The following BANK1 variants were observed in gnomAD, a reference collection of about 807,000 sequenced individuals.
BANK1 encodes the protein B-cell scaffold protein with ankyrin repeats.
In BANK1, 95 loss-of-function variants were observed where a neutral mutation model predicts 94.5. That is an observed-to-expected ratio of 1.00 (90% CI 0.85 to 1.19). The LOEUF (loss-of-function observed/expected upper bound fraction) is 1.19, where lower values mean the gene tolerates loss of function less well. BANK1 is among the 50% of genes most tolerant of loss of function. BANK1 has a pLI of 0.00. For missense variants in BANK1, 987 were observed against 932.2 expected (o/e 1.06, Z -0.77); for synonymous variants, 334 against 308.4 (o/e 1.08, Z -0.87).
intron 3 of BANK1, among the ~76,000 whole-genome samples, chr4:101,860,571 C>T (rs752215177): frequency 1.3e-5 from 2 of 152,108 alleles, no homozygotes; most frequent in Admixed American, 6.5e-5. Context: ...GCTGGGATTA[C>T]AGGTGTGCAC....
At position 101,918,051 on chromosome 4, in the gene BANK1, G is replaced by T. The variant is rs1354703233; in HGVS notation, c.1068G>T (p.Lys356Asn). 1 of 1,611,490 alleles carries T rather than the reference G, an allele frequency of 6.2e-7. No homozygotes were observed. The highest frequency in any genetic ancestry group is 8.5e-7 in the Non-Finnish European group (1 of 1,178,434). ...ACTGTGCAGCAAAATTTGGCTTAAA[G>T]AACCTGGCTATTCATTTGCTTCAAT... ...LLHCAAKFGL[K>N]NLAIHLLQCS... Residue 356 changes from lysine (K) to asparagine (N), a missense_variant, in exon 7 of 17, where the codon AAG becomes AAT. By Grantham distance (94) the Lys-to-Asn change is moderately conservative (BLOSUM62 0). Coordinates refer to ENST00000322953, the MANE Select transcript of BANK1 (RefSeq NM_017935.5).
chr4:101,928,176 G>A (rs1723226690), intron 7 of BANK1, among the ~76,000 whole-genome samples: 1 of 151,668 alleles, frequency 6.6e-6, no homozygotes, highest in South Asian at 2.1e-4. Context: ...ATTTTGTAAT[G>A]AAGCATGAGC....
intron 7 of BANK1, among the ~76,000 whole-genome samples, chr4:101,967,976 A>T (rs570274973): frequency 6.6e-6 from 1 of 152,168 alleles, no homozygotes; most frequent in African/African-American, 2.4e-5. Context: ...ACTCTGACCA[A>T]GTCTTGGCAT....
At chr4:101,795,867 T>G (rs890337556) in intron 1 of BANK1, among the ~76,000 whole-genome samples, 13 of 152,184 alleles carry the variant, frequency 8.5e-5, no homozygotes, top group Middle Eastern at 3.2e-3. Context: ...CCAGAAACAG[T>G]CACCTGGGCC....
At chr4:101,937,032 A>G (rs1723589816) in intron 7 of BANK1, among the ~76,000 whole-genome samples, 1 of 151,702 alleles carries the variant, frequency 6.6e-6, no homozygotes, top group South Asian at 2.1e-4. Context: ...CACAATAGCC[A>G]ATATTTGGAA....
At chr4:102,043,963 C>A in intron 11 of BANK1, 56 bp downstream of exon 11, 1 of 1,067,084 alleles carries the variant, frequency 9.4e-7, no homozygotes, top group South Asian at 1.4e-5. Flanking sequence ...ATCAAGAAAT[C>A]TTATGAATAC....
intron 7 of BANK1, among the ~76,000 whole-genome samples, chr4:101,991,585 G>T (rs1420066045): frequency 2.0e-5 from 3 of 152,192 alleles, no homozygotes; most frequent in Non-Finnish European, 4.4e-5. Flanking sequence ...AGCCCAGGAG[G>T]TGGTTTAATT....
chr4:101,891,585 T>C (rs772846688), intron 5 of BANK1, among the ~76,000 whole-genome samples: 23 of 152,174 alleles, frequency 1.5e-4, no homozygotes, highest in Middle Eastern at 3.4e-3. Flanking sequence ...ATCCCCACCC[T>C]GTTTCTCATC....
At chr4:101,909,500 C>A (rs915955743) in intron 6 of BANK1, among the ~76,000 whole-genome samples, 1 of 152,126 alleles carries the variant, frequency 6.6e-6, no homozygotes, top group Admixed American at 6.5e-5. Flanking sequence ...ATGTGACAAA[C>A]CTGCACGTTG....
intron 7 of BANK1, among the ~76,000 whole-genome samples, chr4:101,938,910 T>C (rs1378508760): frequency 6.6e-6 from 1 of 151,698 alleles, no homozygotes; most frequent in Non-Finnish European, 1.5e-5. Flanking sequence ...AATAATAACA[T>C]GGTCTAAGTT....
intron 7 of BANK1, among the ~76,000 whole-genome samples, chr4:102,006,339 G>GAGTTATTAA (rs1726260751): frequency 6.6e-6 from 1 of 152,010 alleles, no homozygotes; most frequent in African/African-American, 2.4e-5. Flanking sequence ...ATAAATGCCA[G>GAGTTATTAA]TGACTGGGTC....
chr4:101,915,734 G>T lies in BANK1; in HGVS notation c.1010-2259G>T, dbSNP rs555747212. Reference sequence around the variant, plus strand: ...TATGAGAGGTAACAACAAAACTGTAGCATAGGGCTTTGATGGACTATTTCC... The same window carrying T: ...TATGAGAGGTAACAACAAAACTGTATCATAGGGCTTTGATGGACTATTTCC... On this transcript the variant is annotated intron_variant, in intron 6 of 16. Coordinates refer to ENST00000322953, the MANE Select transcript of BANK1 (RefSeq NM_017935.5). Among the ~76,000 whole-genome samples, 36 of 152,166 alleles carry T rather than the reference G, an allele frequency of 2.4e-4. No individual in the cohort carries two copies. The South Asian group carries it at 6.4e-3, about 27-fold the overall frequency.
intron 1 of BANK1, among the ~76,000 whole-genome samples, chr4:101,796,974 C>G (rs1560577737): frequency 6.6e-6 from 1 of 152,058 alleles, no homozygotes; most frequent in African/African-American, 2.4e-5. Context: ...GCACCATTAA[C>G]AGGCCATTAA....
At chr4:101,992,102 AT>A (rs1189583146) in intron 7 of BANK1, among the ~76,000 whole-genome samples, 3 of 152,150 alleles carry the variant, frequency 2.0e-5, no homozygotes, top group African/African-American at 4.8e-5. Flanking sequence ...TGTTAAAATT[AT>A]TTGGCTAGTA....
chr4:101,950,333 C>T (rs140569318), intron 7 of BANK1, among the ~76,000 whole-genome samples: 6 of 152,074 alleles, frequency 3.9e-5, no homozygotes, highest in African/African-American at 1.4e-4. Flanking sequence ...TGTGGGTAAA[C>T]GTTTGAAGAG....
At chr4:102,004,948 C>A (rs1282918505) in intron 7 of BANK1, among the ~76,000 whole-genome samples, 1 of 152,022 alleles carries the variant, frequency 6.6e-6, no homozygotes, top group Non-Finnish European at 1.5e-5. Context: ...ATCCTTGACA[C>A]TAATATGTGA....
At chr4:101,871,926 G>T (rs1728304500) in intron 5 of BANK1, among the ~76,000 whole-genome samples, 1 of 152,140 alleles carries the variant, frequency 6.6e-6, no homozygotes, top group African/African-American at 2.4e-5. Flanking sequence ...TGGTCAGGAT[G>T]CTATAAATAC....
At chr4:101,941,031 AC>A (rs1171758134) in intron 7 of BANK1, among the ~76,000 whole-genome samples, 1 of 151,580 alleles carries the variant, frequency 6.6e-6, no homozygotes, top group African/African-American at 2.4e-5. Context: ...TCCCCCCTTT[AC>A]TTATTTTATG....
chr4:101,890,185 A>T (rs1427074840), intron 5 of BANK1, among the ~76,000 whole-genome samples: 5 of 152,074 alleles, frequency 3.3e-5, no homozygotes, highest in African/African-American at 1.2e-4. Flanking sequence ...GATTGGTTAG[A>T]TCATTGGGAT....
Sources: gnomAD v4.1 joint callset for allele counts (sites outside exome capture counted in the v4.1 genomes callset) on GRCh38, gnomAD v4.1.1 for gene constraint, MANE v1.5 for transcripts, NCBI Gene and HGNC (gene_info 2026-07-23, HGNC 2026-07-21) for gene names.